The following CERS3 variants were observed in gnomAD, a reference collection of about 807,000 sequenced individuals.
CERS3 encodes the protein LAG1 homolog, ceramide synthase 3.
In CERS3, 33 loss-of-function variants were observed where a neutral mutation model predicts 50.3. That is an observed-to-expected ratio of 0.66 (90% CI 0.50 to 0.88). CERS3 has a LOEUF of 0.88. Ranked by LOEUF, CERS3 falls within the 40% of genes least tolerant of loss-of-function variation. CERS3 has a pLI of 0.00. For synonymous variants in CERS3, 176 were observed against 155.2 expected (o/e 1.13, Z -0.99); for missense variants, 470 against 460.3 (o/e 1.02, Z -0.19).
chr15:100,423,896 T>G (rs1024063245), intron 11 of CERS3, among the ~76,000 whole-genome samples: 2 of 152,084 alleles, frequency 1.3e-5, no homozygotes, highest in African/African-American at 4.8e-5. Flanking sequence ...CATGAGTTAA[T>G]TAAATTTTTT....
chr15:100,491,012 C>T lies in CERS3; in HGVS notation c.174-81G>A, dbSNP rs1503479. ...CACCAGAAAATTAAAGCTGTAACTT[C>T]AGGTTTCTAATGAAATCAGTCATTT... is the stretch of plus-strand genomic sequence containing the variant. On this transcript the variant is annotated intron_variant, in intron 3 of 11. Coordinates refer to ENST00000679737, the MANE Select transcript of CERS3 (RefSeq NM_001378789.1). The T allele has an allele frequency of 0.077, 63,674 of 830,902 alleles. 4,262 individuals carry two copies. The highest frequency in any genetic ancestry group is 0.29 in the African/African-American group (16,668 of 57,262). The allele number at this position is 830,902 out of a possible 1,614,324, so 51.5% of individuals were successfully genotyped here. A position where few individuals can be genotyped will look rare whatever the true frequency, so the allele number is the denominator to read the frequency against.
chr15:100,440,253 C>T (rs2033619373), intron 11 of CERS3, among the ~76,000 whole-genome samples: 2 of 152,188 alleles, frequency 1.3e-5, no homozygotes, highest in South Asian at 2.1e-4. Flanking sequence ...AGAGATAAGA[C>T]AACTGTCAGT....
intron 11 of CERS3, among the ~76,000 whole-genome samples, chr15:100,443,219 G>C (rs555360417): frequency 2.7e-5 from 4 of 150,896 alleles, no homozygotes; most frequent in Non-Finnish European, 4.4e-5. Context: ...CTTGGTGACC[G>C]ATCATGCACC....
chr15:100,504,243 T>G (rs1178761867), intron 2 of CERS3, among the ~76,000 whole-genome samples: 1 of 47,002 alleles, frequency 2.1e-5, no homozygotes, highest in African/African-American at 5.8e-5. Flanking sequence ...ACTATTCTTT[T>G]TTTTTTTTTT....
chr15:100,402,915 C>A, intron 11 of CERS3, 50 bp from the exon 12 acceptor site: 1 of 1,538,192 alleles, frequency 6.5e-7, no homozygotes, highest in South Asian at 1.2e-5. Flanking sequence ...CAGGAAGAGT[C>A]TTGAGTAAAT....
At chr15:100,506,474 C>G (rs1423125133) in intron 2 of CERS3, among the ~76,000 whole-genome samples, 7 of 144,374 alleles carry the variant, frequency 4.8e-5, no homozygotes, top group African/African-American at 1.8e-4. Context: ...CCCCCGCCGC[C>G]CCACACACAC....
At chr15:100,433,520 C>T (rs1372237076) in intron 11 of CERS3, among the ~76,000 whole-genome samples, 1 of 152,210 alleles carries the variant, frequency 6.6e-6, no homozygotes, top group East Asian at 1.9e-4. Context: ...TACAGAGGCC[C>T]AGCCTCCTTG....
chr15:100,413,510 G>A (rs1380621520), intron 11 of CERS3, among the ~76,000 whole-genome samples: 2 of 149,652 alleles, frequency 1.3e-5, no homozygotes, highest in African/African-American at 4.9e-5. Context: ...CACAACTGAC[G>A]ACTATACTAT....
chr15:100,520,956 T>A (rs972897875), intron 2 of CERS3, among the ~76,000 whole-genome samples: 1 of 152,206 alleles, frequency 6.6e-6, no homozygotes, highest in Non-Finnish European at 1.5e-5. Flanking sequence ...ATTAAAATTA[T>A]AACGAACAAC....
chr15:100,410,747 C>A (rs1450752954), intron 11 of CERS3, among the ~76,000 whole-genome samples: 1 of 152,222 alleles, frequency 6.6e-6, no homozygotes, highest in Admixed American at 6.5e-5. Context: ...ACCAAGACAA[C>A]AGCCCTGACT....
intron 1 of CERS3, among the ~76,000 whole-genome samples, chr15:100,541,391 G>A (rs140808706): frequency 7.2e-5 from 11 of 152,244 alleles, no homozygotes; most frequent in African/African-American, 2.6e-4. Context: ...AGAATTCCTT[G>A]AACCCAGGAA....
intron 7 of CERS3, 71 bp downstream of exon 7, chr15:100,479,357 C>T (rs950796248): frequency 1.7e-5 from 20 of 1,176,776 alleles, no homozygotes; most frequent in South Asian, 2.7e-5. Context: ...GGGACCAAGA[C>T]GTAACTAAGG....
intron 11 of CERS3, among the ~76,000 whole-genome samples, chr15:100,449,678 G>A (rs918675816): frequency 1.3e-5 from 2 of 152,190 alleles, no homozygotes; most frequent in Admixed American, 1.3e-4. Context: ...AATATTGCAT[G>A]CACCCAGAAT....
chr15:100,506,587 T>C (rs1006716208), intron 2 of CERS3, among the ~76,000 whole-genome samples: 1 of 151,904 alleles, frequency 6.6e-6, no homozygotes. Context: ...CATAAGACTT[T>C]GTAATTCTAC....
chr15:100,447,831 T>G (rs372855451), intron 11 of CERS3, among the ~76,000 whole-genome samples: 85 of 152,330 alleles, frequency 5.6e-4, no homozygotes, highest in African/African-American at 1.9e-3. Flanking sequence ...CTATTTCCCC[T>G]AAAGTCAGGG....
rs543536902 is a variant in CERS3 at position 100,489,903 on chromosome 15, A to G, written c.288+914T>C. 1.2e-4 allele frequency among the ~76,000 whole-genome samples: 18 copies of G among 152,354 alleles called. No individual in the cohort carries two copies. In the South Asian group the frequency reaches 3.3e-3, roughly 28 times the overall value. On this transcript the variant is annotated intron_variant, in intron 4 of 11. Transcript: ENST00000679737. ...TCTCACGCGAGGTGGTCAAACCTCA[A>G]TGTGCTTTCATGTGCAGAGAAACCA...
intron 10 of CERS3, among the ~76,000 whole-genome samples, chr15:100,466,999 A>G (rs1300896001): frequency 6.6e-6 from 1 of 151,640 alleles, no homozygotes; most frequent in Non-Finnish European, 1.5e-5. Flanking sequence ...GATTATAGGC[A>G]TGTGCCACCA....
chr15:100,433,897 G>A (rs993101791), intron 11 of CERS3, among the ~76,000 whole-genome samples: 2 of 152,240 alleles, frequency 1.3e-5, no homozygotes, highest in African/African-American at 4.8e-5. Context: ...ATACCCTGGG[G>A]CCCTCTTGAG....
intron 11 of CERS3, among the ~76,000 whole-genome samples, chr15:100,443,040 T>C (rs12914163): frequency 0.092 from 10,972 of 119,446 alleles, 13 homozygotes; most frequent in Admixed American, 0.13. Flanking sequence ...ACCTGCCCAG[T>C]TCCCTTATTA....
Sources: gnomAD v4.1 joint callset for allele counts (sites outside exome capture counted in the v4.1 genomes callset) on GRCh38, gnomAD v4.1.1 for gene constraint, MANE v1.5 for transcripts, NCBI Gene and HGNC (gene_info 2026-07-23, HGNC 2026-07-21) for gene names.